The following LTBP2 variants were observed in gnomAD, a reference collection of about 807,000 sequenced individuals.
The protein encoded by LTBP2 is latent transforming growth factor beta binding protein 2.
A neutral mutation model predicts 210.6 loss-of-function variants in LTBP2; 103 were observed. That is an observed-to-expected ratio of 0.49 (90% CI 0.42 to 0.58). The LOEUF (loss-of-function observed/expected upper bound fraction) is 0.58, where lower values mean the gene tolerates loss of function less well. Among genes scored for constraint, LTBP2 ranks in the 20% least tolerant of loss-of-function variants. The pLI, the probability that LTBP2 is intolerant of heterozygous loss-of-function variation, is 0.00. For synonymous variants in LTBP2, 1,007 were observed against 1,015.0 expected (o/e 0.99, Z 0.15); for missense variants, 2,313 against 2,494.5 (o/e 0.93, Z 1.55).
intron 35 of LTBP2, among the ~76,000 whole-genome samples, 172 bp from the exon 36 acceptor site, chr14:74,501,201 CA>C (rs2086906069): frequency 6.6e-6 from 1 of 152,226 alleles, no homozygotes; most frequent in Non-Finnish European, 1.5e-5. Flanking sequence ...AAGCAGGGGG[CA>C]GCAAGCTCAT....
Position 74,516,935 on chromosome 14 carries a change from T to C in LTBP2, c.2795A>G (p.Asn932Ser). The change falls in exon 18 of 36, where the codon AAT (asparagine) becomes AGT (serine). Residue 932 changes from asparagine to serine, a missense_variant. By Grantham distance (46) the Asn-to-Ser change is conservative (BLOSUM62 1). Transcript: ENST00000261978. ...SGATQECQDI[N>S]ECEQPGVCSG... ...GCACACCCCTGGCTGCTCACACTCA[T>C]TGATATCTGTGAACACACAGAAAAG... 6.4e-7 allele frequency: 1 copy of C among 1,551,566 alleles called. No homozygotes were observed. The highest frequency in any genetic ancestry group is 8.7e-7 in the Non-Finnish European group (1 of 1,147,088).
At position 74,528,572 on chromosome 14, in the gene LTBP2, C is replaced by A; in HGVS notation, c.2279G>T (p.Ser760Ile). The stretch of plus-strand genomic sequence containing the variant: ...TGCTGGCCCGGGCAGTGCCCCGCTG[C>A]TCCTCTGCCCTTGCTCCCTTGGGGG... Reference protein sequence around the residue: ...ARPPREQGQRSSGALPGPAER... With the variant: ...ARPPREQGQRISGALPGPAER... The change falls in exon 12 of 36, where the codon AGC (serine) becomes ATC (isoleucine). Residue 760 changes from serine to isoleucine, a missense_variant. Physicochemically the swap from Ser to Ile is moderately radical, Grantham distance 142. Around this residue, in one of 3 missense-constraint regions of LTBP2, gnomAD observed 1,867 missense variants for 1,976.9 expected, o/e 0.94. Transcript: ENST00000261978. The A allele has an allele frequency of 6.2e-7, 1 of 1,613,432 alleles. No homozygotes were observed. The highest frequency in any genetic ancestry group is 1.1e-5 in the South Asian group (1 of 91,070).
chr14:74,603,486 A>G, intron 2 of LTBP2, 149 bp downstream of exon 2: 1 of 786,890 alleles, frequency 1.3e-6, no homozygotes, highest in Non-Finnish European at 2.2e-6. Flanking sequence ...CACTTTAAAT[A>G]GGGGCTGCAT....
chr14:74,542,829 C>A (rs182278857), intron 8 of LTBP2, among the ~76,000 whole-genome samples: 1 of 150,764 alleles, frequency 6.6e-6, no homozygotes, highest in East Asian at 2.0e-4. Flanking sequence ...TGCAGTGGCG[C>A]GATCTCAGCT....
In LTBP2 at chr14:74,590,305, G is replaced by T. The variant is rs139492119; in HGVS notation, c.566-4187C>A. Among the ~76,000 whole-genome samples the T allele has an allele frequency of 4.6e-3, 695 of 152,318 alleles. 2 individuals carry two copies. Among genetic ancestry groups the T allele is most frequent in the Non-Finnish European group, 6.8e-3 (464 of 68,036 alleles). Reference sequence around the variant, plus strand: ...AATCCCACTACTGAGTAAAGGCAAAGAAGTCATTCTATCAAAAAGACACCC... The same window carrying T: ...AATCCCACTACTGAGTAAAGGCAAATAAGTCATTCTATCAAAAAGACACCC... On this transcript the variant is annotated intron_variant, in intron 2 of 35. Coordinates refer to ENST00000261978, the MANE Select transcript of LTBP2 (RefSeq NM_000428.3).
chr14:74,569,990 T>C (rs1287520519), intron 3 of LTBP2, among the ~76,000 whole-genome samples: 1 of 151,972 alleles, frequency 6.6e-6, no homozygotes, highest in Non-Finnish European at 1.5e-5. Flanking sequence ...CTGCATTAAC[T>C]ACAAGGAAGT....
chr14:74,511,365 C>G lies in LTBP2; in HGVS notation c.2909-1G>C, dbSNP rs1207367746. Reference sequence around the variant, plus strand: ...CCGGGGTGACGGCATTCGTTGATATCTGCAAAACAGCAGCCCCTCCCTTGG... The same window carrying G: ...CCGGGGTGACGGCATTCGTTGATATGTGCAAAACAGCAGCCCCTCCCTTGG... On this transcript the variant is annotated splice_acceptor_variant, in intron 18 of 35. Coordinates refer to ENST00000261978, the MANE Select transcript of LTBP2 (RefSeq NM_000428.3). LOFTEE classifies it high-confidence loss of function. 6.2e-7 allele frequency: 1 copy of G among 1,614,006 alleles called. No homozygotes were observed. The highest frequency in any genetic ancestry group is 1.6e-4 in the Middle Eastern group (1 of 6,062).
chr14:74,545,761 G>C (rs116545446), intron 8 of LTBP2, among the ~76,000 whole-genome samples: 1,586 of 152,318 alleles, frequency 0.01, 29 homozygotes, highest in African/African-American at 0.036. Flanking sequence ...GAGGATTGAA[G>C]AGGGCTATGA....
At chr14:74,562,420 TC>T (rs1178989028) in intron 3 of LTBP2, among the ~76,000 whole-genome samples, 1 of 152,104 alleles carries the variant, frequency 6.6e-6, no homozygotes, top group African/African-American at 2.4e-5. Context: ...CATTTACTTG[TC>T]CAAACAATTC....
intron 10 of LTBP2, among the ~76,000 whole-genome samples, chr14:74,529,419 C>T (rs1010081844): frequency 2.6e-5 from 4 of 152,168 alleles, no homozygotes; most frequent in East Asian, 1.9e-4. Flanking sequence ...TCTCCAGTGC[C>T]GAGTTTAGAA....
intron 2 of LTBP2, among the ~76,000 whole-genome samples, chr14:74,590,687 G>A (rs2088270360): frequency 6.6e-6 from 1 of 152,126 alleles, no homozygotes; most frequent in African/African-American, 2.4e-5. Flanking sequence ...TCTTTTTGCA[G>A]CAACTTGGAT....
At chr14:74,609,435 C>T (rs1007058649) in intron 1 of LTBP2, among the ~76,000 whole-genome samples, 6 of 152,124 alleles carry the variant, frequency 3.9e-5, no homozygotes, top group Non-Finnish European at 7.4e-5. Context: ...CCCCACGCTC[C>T]ACTTCCCCAC....
intron 3 of LTBP2, among the ~76,000 whole-genome samples, chr14:74,585,119 A>C (rs558274401): frequency 6.6e-6 from 1 of 152,240 alleles, no homozygotes; most frequent in Non-Finnish European, 1.5e-5. Flanking sequence ...CCTGAGCTAG[A>C]AAAAGTCTAG....
chr14:74,606,969 G>A (rs1384891848), intron 1 of LTBP2, among the ~76,000 whole-genome samples: 1 of 152,084 alleles, frequency 6.6e-6, no homozygotes, highest in Non-Finnish European at 1.5e-5. Flanking sequence ...TTGTATCTCA[G>A]TCTTGGGTAT....
chr14:74,501,459 C>T lies in LTBP2; in HGVS notation c.5302G>A (p.Ala1768Thr), dbSNP rs769564522. 6.2e-6 allele frequency: 10 copies of T among 1,614,038 alleles called. No homozygotes were observed. The highest frequency in any genetic ancestry group is 7.6e-6 in the Non-Finnish European group (9 of 1,180,032). The change falls in exon 35 of 36, where the codon GCC becomes ACC. Residue 1768 changes from alanine (A) to threonine (T), a missense_variant. Ala to Thr is a moderately conservative substitution (Grantham distance 58). Transcript: ENST00000261978. The stretch of plus-strand genomic sequence containing the variant: ...CACTTACCTACGCAGGCCATGTGGG[C>T]CGCATCCAGCTGGAAGCCCTCAAAA... ...DCFEGFQLDA[A>T]HMACVDVNEC...
chr14:74,528,290 T>A (rs1229819506), intron 12 of LTBP2, among the ~76,000 whole-genome samples, 193 bp downstream of exon 12: 1 of 152,168 alleles, frequency 6.6e-6, no homozygotes, highest in East Asian at 1.9e-4. Flanking sequence ...TGACCCCATA[T>A]GGAAGAGGAA....
rs1413350984 is a variant in LTBP2, at chr14:74,611,878, G to C, written c.67C>G (p.Pro23Ala). 2.5e-6 allele frequency: 4 copies of C among 1,607,942 alleles called. No homozygotes were observed. The highest frequency in any genetic ancestry group is 3.4e-6 in the Non-Finnish European group (4 of 1,179,026). ...CCCACGAAGAGAGCCAGGGTGAGCG[G>C]CAGGAAGCCTCTCCAGGGGTTCCGC... is the stretch of plus-strand genomic sequence containing the variant. ...ALRNPWRGFL[P>A]LTLALFVGAG... Residue 23 changes from proline (P) to alanine (A), a missense_variant, in exon 1 of 36, where the codon CCG (proline) becomes GCG (alanine). Physicochemically the swap from Pro to Ala is conservative, Grantham distance 27. Around this residue, in one of 3 missense-constraint regions of LTBP2, gnomAD observed 1,867 missense variants for 1,976.9 expected, o/e 0.94. Transcript: ENST00000261978.
intron 3 of LTBP2, among the ~76,000 whole-genome samples, chr14:74,568,798 A>T (rs1043018014): frequency 6.6e-6 from 1 of 152,188 alleles, no homozygotes; most frequent in African/African-American, 2.4e-5. Context: ...CTATACCACG[A>T]ATCTTTGCAC....
In LTBP2 at chr14:74,502,824, T is replaced by C; in HGVS notation, c.4999A>G (p.Ser1667Gly). ...YGPGPDDLHYSIYGPDGAPFY... is the reference protein window; with the variant it reads ...YGPGPDDLHYGIYGPDGAPFY... Reference sequence around the variant, plus strand: ...GGGGCCCCATCTGGGCCATAGATGCTGTAGTGCAGGTCATCGGGCCCGGGG... The same window carrying C: ...GGGGCCCCATCTGGGCCATAGATGCCGTAGTGCAGGTCATCGGGCCCGGGG... Residue 1667 changes from serine to glycine, a missense_variant, in exon 34 of 36, where the codon AGC (serine) becomes GGC (glycine). By Grantham distance (56) the Ser-to-Gly change is moderately conservative. Around this residue, in one of 3 missense-constraint regions of LTBP2, gnomAD observed 443 missense variants for 501.4 expected, o/e 0.88. Coordinates refer to ENST00000261978, the MANE Select transcript of LTBP2 (RefSeq NM_000428.3). 1 of 1,614,122 alleles carries C rather than the reference T, an allele frequency of 6.2e-7. No homozygotes were observed. The highest frequency in any genetic ancestry group is 8.5e-7 in the Non-Finnish European group (1 of 1,179,992).
Sources: gnomAD v4.1 joint callset for allele counts (sites outside exome capture counted in the v4.1 genomes callset) on GRCh38, gnomAD v4.1.1 for gene constraint, gnomAD v4.1.1 regional missense constraint, MANE v1.5 for transcripts, NCBI Gene and HGNC (gene_info 2026-07-23, HGNC 2026-07-21) for gene names.